The following ERCC6L2 variants were observed in gnomAD, a reference collection of about 807,000 sequenced individuals.
ERCC6L2 encodes the protein DNA excision repair protein ERCC-6-like 2.
Under a neutral mutation model 132.0 loss-of-function variants are expected in ERCC6L2, and 77 were observed. The ratio of observed to expected loss-of-function variants is 0.58; its 90% CI spans 0.49 to 0.71. The LOEUF (loss-of-function observed/expected upper bound fraction) is 0.71, where lower values mean the gene tolerates loss of function less well. Ranked by LOEUF, ERCC6L2 falls within the 30% of genes least tolerant of loss-of-function variation. The pLI is 0.00. For synonymous variants in ERCC6L2, 583 were observed against 632.4 expected, an observed-to-expected ratio of 0.92 and a Z score of 1.17; for missense variants, 1,542 against 1,837.6, an observed-to-expected ratio of 0.84 and a Z score of 2.94.
chr9:96,012,205 T>TTTGTTCATTTAATCTTTAGAAAAC lies in ERCC6L2; in HGVS notation c.3675-19_3679dup. 8.2e-7 allele frequency: 1 copy of TTTGTTCATTTAATCTTTAGAAAAC among 1,213,546 alleles called. No homozygotes were observed. Among genetic ancestry groups the TTTGTTCATTTAATCTTTAGAAAAC allele is most frequent in the Non-Finnish European group, 1.1e-6 (1 of 941,740 alleles). 75.2% of individuals were successfully genotyped at this position (1,213,546 alleles called of 1,614,324 possible). A position where few individuals can be genotyped will look rare whatever the true frequency, so the allele number is the denominator to read the frequency against. On this transcript the variant is annotated intron_variant, in intron 18 of 18. Transcript: ENST00000653738. ...AAATGTAATGAAAATAACCACTAGT[T>TTTGTTCATTTAATCTTTAGAAAAC]TTGTTCATTTAATCTTTAGAAAACA...
chr9:95,931,369 G>A lies in ERCC6L2; in HGVS notation c.1751+2505G>A, dbSNP rs542061948. ...GTTTCAATCTGGCCCAGTTTTCTAG[G>A]CCTGATAAAGAACTGTCATGTTGAA... On this transcript the variant is annotated intron_variant, in intron 11 of 18. Coordinates refer to ENST00000653738, the MANE Select transcript of ERCC6L2 (RefSeq NM_020207.7). 3.9e-5 allele frequency among the ~76,000 whole-genome samples: 6 copies of A among 152,182 alleles called. No individual in the cohort carries two copies. In the South Asian group the frequency reaches 1.2e-3, roughly 32 times the overall value.
chr9:95,952,832 C>T (rs894402844), intron 12 of ERCC6L2, among the ~76,000 whole-genome samples: 10 of 143,134 alleles, frequency 7.0e-5, no homozygotes, highest in African/African-American at 2.0e-4. Context: ...AGAGTGACTC[C>T]GTCTCAATAA....
chr9:95,934,975 A>G (rs1218267135), intron 11 of ERCC6L2, among the ~76,000 whole-genome samples: 1 of 152,200 alleles, frequency 6.6e-6, no homozygotes, highest in Non-Finnish European at 1.5e-5. Context: ...AATGAGAATC[A>G]TATTATATGC....
At chr9:95,966,958 T>G in intron 14 of ERCC6L2, 1 of 301,972 alleles carries the variant, frequency 3.3e-6, no homozygotes, top group Admixed American at 5.0e-5. Context: ...TAGTATGAAC[T>G]CCAAGGCAAT....
chr9:96,001,079 C>T (rs1389413222), intron 17 of ERCC6L2, among the ~76,000 whole-genome samples: 2 of 151,734 alleles, frequency 1.3e-5, no homozygotes, highest in African/African-American at 2.4e-5. Context: ...GGCAGCGCGT[C>T]TGGAGTTGTT....
intron 13 of ERCC6L2, among the ~76,000 whole-genome samples, chr9:95,958,454 T>G (rs1232429896): frequency 3.3e-5 from 5 of 152,160 alleles, no homozygotes; most frequent in Admixed American, 1.3e-4. Flanking sequence ...ATGGTTGAAC[T>G]AGTTTACAGT....
At chr9:96,002,548 A>G (rs150899159) in intron 17 of ERCC6L2, among the ~76,000 whole-genome samples, 120 of 151,778 alleles carry the variant, frequency 7.9e-4, no homozygotes, top group Middle Eastern at 6.8e-3. Flanking sequence ...CAGCCTCCAG[A>G]GTAGCTGGGA....
intron 14 of ERCC6L2, chr9:95,967,521 T>C (rs1240638874): frequency 6.6e-6 from 1 of 152,180 alleles, no homozygotes; most frequent in Admixed American, 6.5e-5. Context: ...TTAAACCATC[T>C]TGACCGGAGG....
intron 3 of ERCC6L2, among the ~76,000 whole-genome samples, chr9:95,901,443 A>G (rs542383959): frequency 6.6e-6 from 1 of 152,288 alleles, no homozygotes; most frequent in Non-Finnish European, 1.5e-5. Context: ...AGTTTCTTTG[A>G]TGACTGGTGT....
chr9:95,917,045 G>A (rs939574382), intron 6 of ERCC6L2, among the ~76,000 whole-genome samples: 2 of 152,142 alleles, frequency 1.3e-5, no homozygotes, highest in African/African-American at 4.8e-5. Context: ...TCTCTGCAGT[G>A]TGTTTTCTGT....
chr9:96,011,355 C>T (rs184115453), intron 18 of ERCC6L2, among the ~76,000 whole-genome samples: 11 of 152,240 alleles, frequency 7.2e-5, no homozygotes, highest in African/African-American at 2.4e-4. Flanking sequence ...GGGTCCCACC[C>T]GTATGACTTC....
intron 18 of ERCC6L2, among the ~76,000 whole-genome samples, chr9:96,011,931 G>A (rs560436285): frequency 6.6e-6 from 1 of 152,322 alleles, no homozygotes; most frequent in East Asian, 1.9e-4. Flanking sequence ...GCTCAAAGGA[G>A]GAGTAGCATG....
chr9:95,890,739 C>CT (rs1828114279), intron 2 of ERCC6L2, among the ~76,000 whole-genome samples: 1 of 152,120 alleles, frequency 6.6e-6, no homozygotes, highest in South Asian at 2.1e-4. Context: ...GCAGTGTTGG[C>CT]TCACTGCAGC....
At chr9:95,987,645 G>A (rs1833144566) in intron 17 of ERCC6L2, among the ~76,000 whole-genome samples, 1 of 152,174 alleles carries the variant, frequency 6.6e-6, no homozygotes, top group South Asian at 2.1e-4. Context: ...GGCTAGCATT[G>A]AGTGGCTGTG....
chr9:95,943,256 C>T (rs1830889176), intron 12 of ERCC6L2, among the ~76,000 whole-genome samples: 1 of 151,816 alleles, frequency 6.6e-6, no homozygotes, highest in Non-Finnish European at 1.5e-5. Flanking sequence ...TGATAATTGT[C>T]AGAATAAGGG....
In ERCC6L2 at chr9:95,971,843, A is replaced by G. The variant is rs144237475; in HGVS notation, c.2182-90A>G. 6.2e-5 allele frequency: 49 copies of G among 784,440 alleles called. No individual in the cohort carries two copies. In the African/African-American group the frequency reaches 8.6e-4, roughly 14 times the overall value. 48.6% of individuals were successfully genotyped at this position (784,440 alleles called of 1,614,324 possible). ...AATATTAAGTGATATACTTGTACCT[A>G]AATTACCTGCCCAAAGTTGAGTACT... On this transcript the variant is annotated intron_variant, in intron 15 of 18. Transcript: ENST00000653738.
intron 9 of ERCC6L2, among the ~76,000 whole-genome samples, chr9:95,925,760 A>G (rs563535268): frequency 1.3e-5 from 2 of 152,342 alleles, no homozygotes; most frequent in South Asian, 4.1e-4. Flanking sequence ...GGATTTCTAT[A>G]CAATATATCC....
At chr9:96,035,984 C>A (rs1300841310) in intron 19 of ERCC6L2, among the ~76,000 whole-genome samples, 1 of 152,184 alleles carries the variant, frequency 6.6e-6, no homozygotes, top group Non-Finnish European at 1.5e-5. Context: ...AAATAAATAA[C>A]CAGACAAACA....
chr9:95,930,916 T>G (rs1326519515), intron 11 of ERCC6L2, among the ~76,000 whole-genome samples: 1 of 152,206 alleles, frequency 6.6e-6, no homozygotes, highest in Non-Finnish European at 1.5e-5. Context: ...TAACTTTTAC[T>G]TTGTCAAGGG....
Sources: allele counts gnomAD v4.1 joint callset (sites outside exome capture counted in the v4.1 genomes callset), GRCh38; gene constraint gnomAD v4.1.1; transcripts MANE v1.5; gene names NCBI Gene and HGNC (gene_info 2026-07-23, HGNC 2026-07-21).